The following AFTPH variants were observed in gnomAD, a reference collection of about 807,000 sequenced individuals.
AFTPH encodes aftiphilin protein.
Under a neutral mutation model 72.5 loss-of-function variants are expected in AFTPH, and 7 were observed. The observed-to-expected ratio is 0.10, with a 90% CI of 0.05 to 0.18. The LOEUF is 0.18. Among genes scored for constraint, AFTPH ranks in the 10% least tolerant of loss-of-function variants. The pLI is 1.00. For missense variants in AFTPH, 979 were observed against 1,060.5 expected, an observed-to-expected ratio of 0.92 and a Z score of 1.07; for synonymous variants, 337 against 370.1, an observed-to-expected ratio of 0.91 and a Z score of 1.03.
chr2:64,535,229 A>G (rs144655627), intron 1 of AFTPH, among the ~76,000 whole-genome samples: 2 of 152,330 alleles, frequency 1.3e-5, no homozygotes, highest in East Asian at 3.9e-4. Flanking sequence ...GTCCATTGGC[A>G]TTCCTGTACT....
At chr2:64,524,684 G>A (rs530562374) in intron 1 of AFTPH, 72 bp downstream of exon 1, 6 of 393,086 alleles carry the variant, frequency 1.5e-5, no homozygotes, top group South Asian at 1.4e-4. Flanking sequence ...CGGCCCAGCA[G>A]CCAGACCCTC....
intron 2 of AFTPH, among the ~76,000 whole-genome samples, chr2:64,564,590 G>A (rs1054745349): frequency 4.6e-5 from 7 of 151,224 alleles, no homozygotes; most frequent in Non-Finnish European, 8.8e-5. Context: ...CTCCAGCCTC[G>A]GTGACAGAGT....
At chr2:64,548,433 A>AAAAC (rs1243472946) in intron 1 of AFTPH, among the ~76,000 whole-genome samples, 13,562 of 102,440 alleles carry the variant, frequency 0.13, 2,167 homozygotes, top group Non-Finnish European at 0.16. Flanking sequence ...AAAAAAAAAA[A>AAAAC]AACTTTAGAA....
intron 1 of AFTPH, among the ~76,000 whole-genome samples, chr2:64,530,571 G>A (rs1242041177): frequency 6.6e-6 from 1 of 152,116 alleles, no homozygotes; most frequent in African/African-American, 2.4e-5. Flanking sequence ...TACATGTTAA[G>A]AGGGATAATA....
At chr2:64,578,059 G>A (rs1672930243) in intron 6 of AFTPH, among the ~76,000 whole-genome samples, 1 of 151,990 alleles carries the variant, frequency 6.6e-6, no homozygotes, top group African/African-American at 2.4e-5. Context: ...ACTAACTAAT[G>A]TTAGTATTTT....
chr2:64,589,799 T>C (rs1211584801), intron 8 of AFTPH, among the ~76,000 whole-genome samples: 1 of 152,128 alleles, frequency 6.6e-6, no homozygotes, highest in African/African-American at 2.4e-5. Flanking sequence ...TTTATCATTA[T>C]AGAAGTAGTA....
chr2:64,573,999 T>G (rs1260314251), intron 6 of AFTPH, among the ~76,000 whole-genome samples: 1 of 152,190 alleles, frequency 6.6e-6, no homozygotes, highest in East Asian at 1.9e-4. Flanking sequence ...CTTGGCACAC[T>G]TAAGCACAAA....
chr2:64,560,880 G>GA (rs1308597363), intron 2 of AFTPH, among the ~76,000 whole-genome samples: 2 of 151,714 alleles, frequency 1.3e-5, no homozygotes, highest in African/African-American at 4.8e-5. Flanking sequence ...CTTGGGGGAG[G>GA]AAAAAAAAGA....
Position 64,550,677 on chromosome 2 carries a change from G to GCGCGCA in AFTPH, c.-32-765_-32-764insGCGCAC, listed in dbSNP as rs777425715. ...ATAAAATTTTTAGAACTGTACGCAT[G>GCGCGCA]CACACACACACACACACACACACAC... is the stretch of plus-strand genomic sequence containing the variant. On this transcript the variant is annotated intron_variant, in intron 1 of 8. Coordinates refer to ENST00000238856, the Ensembl canonical transcript of AFTPH. Among the ~76,000 whole-genome samples, 4 of 130,152 alleles carry GCGCGCA rather than the reference G, an allele frequency of 3.1e-5. No individual in the cohort carries two copies. The Admixed American group carries it at 3.2e-4, about 11-fold the overall frequency. The allele number at this position is 130,152 out of a possible 152,430, so 85.4% of individuals were successfully genotyped here.
chr2:64,580,572 T>C (rs1673129562), intron 7 of AFTPH: 1 of 152,628 alleles, frequency 6.6e-6, no homozygotes, highest in South Asian at 2.1e-4. Context: ...TGCTTTTTAT[T>C]AACAAACAAC....
At chr2:64,532,330 TTA>T (rs1669672940) in intron 1 of AFTPH, among the ~76,000 whole-genome samples, 1 of 152,178 alleles carries the variant, frequency 6.6e-6, no homozygotes, top group Non-Finnish European at 1.5e-5. Context: ...AAAGTCTTTG[TTA>T]AAAATTTTTT....
At chr2:64,561,945 A>C (rs993153656) in intron 2 of AFTPH, among the ~76,000 whole-genome samples, 2 of 152,202 alleles carry the variant, frequency 1.3e-5, no homozygotes, top group Non-Finnish European at 2.9e-5. Context: ...TATGGCTAGA[A>C]ATGTTTGAAA....
At chr2:64,569,491 C>A in intron 4 of AFTPH, 132 bp from the exon 5 acceptor site, 1 of 1,065,910 alleles carries the variant, frequency 9.4e-7, no homozygotes, top group Non-Finnish European at 1.4e-6. Flanking sequence ...CCCATATGGG[C>A]AATTTTTAAG....
intron 1 of AFTPH, among the ~76,000 whole-genome samples, chr2:64,529,355 G>A (rs1669467692): frequency 1.4e-5 from 2 of 146,940 alleles, no homozygotes; most frequent in Admixed American, 6.7e-5. Context: ...CCAATCAAGT[G>A]TGATCTTTTT....
chr2:64,570,933 T>G (rs1672387169), intron 5 of AFTPH, among the ~76,000 whole-genome samples: 1 of 80,622 alleles, frequency 1.2e-5, no homozygotes, highest in East Asian at 4.4e-4. Flanking sequence ...CCCCCCACCT[T>G]TTTTCCAGTT....
chr2:64,569,813 T>C, intron 5 of AFTPH, 134 bp downstream of exon 5: 1 of 683,730 alleles, frequency 1.5e-6, no homozygotes, highest in Non-Finnish European at 2.4e-6. Context: ...AAATAGATCT[T>C]TTTTGATCTC....
chr2:64,552,340 G>C, exon 2 of AFTPH: 1 of 1,614,122 alleles, frequency 6.2e-7, no homozygotes, highest in Non-Finnish European at 8.5e-7. Context: ...GATAACAAAG[G>C]AGACACTGAT....
chr2:64,544,879 G>A (rs1159877501), intron 1 of AFTPH, among the ~76,000 whole-genome samples: 2 of 152,052 alleles, frequency 1.3e-5, no homozygotes, highest in Admixed American at 6.5e-5. Flanking sequence ...AGCAGCGCAA[G>A]TTCTCGCCAT....
At position 64,551,746 on chromosome 2, in the gene AFTPH, A is replaced by G. The variant is rs149607255; in HGVS notation, c.272A>G (p.Asp91Gly). Residue 91 changes from aspartate to glycine, a missense_variant, in exon 2 of 9, where the codon GAC becomes GGC. Physicochemically the swap from Asp to Gly is moderately conservative, Grantham distance 94. This residue lies in a region of AFTPH where 498 missense variants were observed against 467.6 expected (regional missense o/e 1.06). Transcript: ENST00000238856. ...TCCATTAAAAATGGTAATGATAAGGACATCACTGCTGAACTTTCTGCTCCT... is the reference window on the plus strand; with the variant it reads ...TCCATTAAAAATGGTAATGATAAGGGCATCACTGCTGAACTTTCTGCTCCT... The G allele has an allele frequency of 8.1e-6, 13 of 1,613,814 alleles. No homozygotes were observed. The highest frequency in any genetic ancestry group is 1.0e-5 in the Non-Finnish European group (12 of 1,179,700).
Sources: allele counts gnomAD v4.1 joint callset (sites outside exome capture counted in the v4.1 genomes callset), GRCh38; gene constraint gnomAD v4.1.1; regional missense constraint gnomAD v4.1.1; transcripts MANE v1.5; gene names NCBI Gene and HGNC (gene_info 2026-07-23, HGNC 2026-07-21).